The following IL15 variants were observed in gnomAD, a reference collection of about 807,000 sequenced individuals.
IL15 encodes the protein interleukin 15.
In IL15, 11 loss-of-function variants were observed where a neutral mutation model predicts 19.6. That is an observed-to-expected ratio of 0.56 (90% CI 0.35 to 0.93). IL15 has a LOEUF of 0.93. IL15 is among the 40% of genes least tolerant of loss of function. IL15 has a pLI of 0.01. For missense variants in IL15, 197 were observed against 186.5 expected (o/e 1.06, Z -0.33); for synonymous variants, 58 against 59.6 (o/e 0.97, Z 0.12).
chr4:141,732,900 C>T lies in IL15; in HGVS notation c.*52C>T, dbSNP rs1482176631. On this transcript the variant is annotated 3_prime_UTR_variant, in exon 8 of 8. Transcript: ENST00000320650. Reference sequence around the variant, plus strand: ...TCTGTTATTAACAAACATCACTCTGCTGCTTAGACATAACAAAACACTCGG... The same window carrying T: ...TCTGTTATTAACAAACATCACTCTGTTGCTTAGACATAACAAAACACTCGG... 1 of 1,577,874 alleles carries T rather than the reference C, an allele frequency of 6.3e-7. No homozygotes were observed. The highest frequency in any genetic ancestry group is 1.4e-5 in the African/African-American group (1 of 73,022).
intron 2 of IL15, chr4:141,718,029 T>G (rs1560935543): frequency 6.6e-6 from 1 of 152,218 alleles, no homozygotes; most frequent in Non-Finnish European, 1.5e-5. Context: ...GGACATTTTC[T>G]ATTGCATTCC....
chr4:141,657,452 TAAG>T (rs1295286287), intron 2 of IL15, among the ~76,000 whole-genome samples: 1 of 152,000 alleles, frequency 6.6e-6, no homozygotes, highest in African/African-American at 2.4e-5. Flanking sequence ...TTTTTAAAGT[TAAG>T]AAACAAACAT....
chr4:141,701,365 G>A (rs1729302444), intron 2 of IL15, among the ~76,000 whole-genome samples: 2 of 151,418 alleles, frequency 1.3e-5, no homozygotes. Flanking sequence ...AATTCTTGGT[G>A]CTTTTAGGGT....
chr4:141,659,137 C>G (rs1247035243), intron 2 of IL15, among the ~76,000 whole-genome samples: 1 of 151,936 alleles, frequency 6.6e-6, no homozygotes, highest in Non-Finnish European at 1.5e-5. Context: ...GCGTGAGCCA[C>G]TGTCCCCGGC....
Position 141,732,878 on chromosome 4 carries a change from G to C in IL15, c.*30G>C. 1 of 1,595,230 alleles carries C rather than the reference G, an allele frequency of 6.3e-7. No homozygotes were observed. The highest frequency in any genetic ancestry group is 8.5e-7 in the Non-Finnish European group (1 of 1,173,598). ...AATTGATTCTTTTTAAAGTGTTTCT[G>C]TTATTAACAAACATCACTCTGCTGC... On this transcript the variant is annotated 3_prime_UTR_variant, in exon 8 of 8. Transcript: ENST00000320650.
intron 1 of IL15, among the ~76,000 whole-genome samples, chr4:141,652,590 C>G (rs920786293): frequency 6.6e-6 from 1 of 152,084 alleles, no homozygotes; most frequent in African/African-American, 2.4e-5. Context: ...ATCCAATGCT[C>G]AGGCTAAATC....
At chr4:141,694,066 C>T (rs1181015956) in intron 2 of IL15, among the ~76,000 whole-genome samples, 1 of 152,180 alleles carries the variant, frequency 6.6e-6, no homozygotes, top group African/African-American at 2.4e-5. Flanking sequence ...CAAGTATTTA[C>T]TGCACCAATG....
In IL15 at chr4:141,733,730, G is replaced by T. The variant is rs1201579525; in HGVS notation, c.*882G>T. On this transcript the variant is annotated 3_prime_UTR_variant, in exon 8 of 8. Coordinates refer to ENST00000320650, the MANE Select transcript of IL15 (RefSeq NM_000585.5). ...GGAAATCAAAAGATTGGATGCCCCT[G>T]GTATAGAAAACTAATAGTGACAGTG... 6.6e-6 allele frequency: 1 copy of T among 152,004 alleles called. No homozygotes were observed. Among genetic ancestry groups the T allele is most frequent in the Non-Finnish European group, 1.5e-5 (1 of 68,026 alleles). 9.4% of individuals were successfully genotyped at this position (152,004 alleles called of 1,614,324 possible). A position where few individuals can be genotyped will look rare whatever the true frequency, so the allele number is the denominator to read the frequency against.
In IL15 at chr4:141,720,445, T is replaced by G. The variant is rs755510683; in HGVS notation, c.13-24T>G. 4 of 1,215,866 alleles carry G rather than the reference T, an allele frequency of 3.3e-6. No homozygotes were observed. In the African/African-American group the frequency reaches 6.0e-5, roughly 18 times the overall value. The allele number at this position is 1,215,866 out of a possible 1,614,324, so 75.3% of individuals were successfully genotyped here. On this transcript the variant is annotated intron_variant, in intron 3 of 7. Coordinates refer to ENST00000320650, the MANE Select transcript of IL15 (RefSeq NM_000585.5). ...ACTTTTTAACTAAAAAATTTAACCA[T>G]TTGTCTATGATTATATTTTTCAGAA...
intron 5 of IL15, among the ~76,000 whole-genome samples, chr4:141,724,012 TACACCCA>T (rs1252419501): frequency 1.3e-5 from 2 of 152,144 alleles, no homozygotes; most frequent in Non-Finnish European, 2.9e-5. Flanking sequence ...CATAGAGCAC[TACACCCA>T]ACAACAGCAG....
chr4:141,684,802 T>C (rs1482472060), intron 2 of IL15, among the ~76,000 whole-genome samples: 1 of 152,214 alleles, frequency 6.6e-6, no homozygotes, highest in Non-Finnish European at 1.5e-5. Context: ...ACTCAACAAA[T>C]ATTGAGTGTC....
chr4:141,732,476 G>A (rs550305689), intron 7 of IL15, among the ~76,000 whole-genome samples: 2 of 152,250 alleles, frequency 1.3e-5, no homozygotes, highest in East Asian at 3.9e-4. Flanking sequence ...ACCATTGAAG[G>A]GCTCAAAGCA....
intron 7 of IL15, among the ~76,000 whole-genome samples, chr4:141,732,072 A>G (rs1296628766): frequency 1.3e-5 from 2 of 152,190 alleles, no homozygotes; most frequent in Non-Finnish European, 2.9e-5. Flanking sequence ...TACAGTATAA[A>G]AAGAGTAAAA....
chr4:141,676,204 CA>C (rs1218270855), intron 2 of IL15, among the ~76,000 whole-genome samples: 1 of 152,104 alleles, frequency 6.6e-6, no homozygotes, highest in African/African-American at 2.4e-5. Context: ...TGTACAAATG[CA>C]GTCAGGTTTA....
intron 2 of IL15, among the ~76,000 whole-genome samples, chr4:141,658,860 AATT>A (rs1313780377): frequency 1.0e-5 from 1 of 95,462 alleles, no homozygotes; most frequent in African/African-American, 4.0e-5. Context: ...TGTTTCTTGG[AATT>A]TTTTTTTTTT....
At chr4:141,679,442 TAATC>T (rs1467464438) in intron 2 of IL15, among the ~76,000 whole-genome samples, 1 of 152,112 alleles carries the variant, frequency 6.6e-6, no homozygotes, top group Non-Finnish European at 1.5e-5. Flanking sequence ...TTGTCATACT[TAATC>T]AAGTTATAAG....
intron 2 of IL15, chr4:141,718,341 C>T (rs1729961041): frequency 6.6e-6 from 1 of 151,662 alleles, no homozygotes; most frequent in Non-Finnish European, 1.5e-5. Flanking sequence ...ATTTAAGAGG[C>T]TTTGGATGAA....
rs558893700 is a variant in IL15, at chr4:141,651,155, T to C, written c.-221-5031T>C. Among the ~76,000 whole-genome samples, 10 of 151,934 alleles carry C rather than the reference T, an allele frequency of 6.6e-5. No homozygotes were observed. In the South Asian group the frequency reaches 2.1e-3, roughly 32 times the overall value. On this transcript the variant is annotated intron_variant, in intron 1 of 7. Coordinates refer to ENST00000320650, the MANE Select transcript of IL15 (RefSeq NM_000585.5). ...TCCACAGTGTGCGTGTGTGTATATATACACACCATATATATATATACACAC... is the reference window on the plus strand; with the variant it reads ...TCCACAGTGTGCGTGTGTGTATATACACACACCATATATATATATACACAC...
At chr4:141,721,251 T>G (rs1422948760) in intron 4 of IL15, 5 of 723,978 alleles carry the variant, frequency 6.9e-6, no homozygotes, top group Non-Finnish European at 1.3e-5. Flanking sequence ...AAGTGAGTGA[T>G]TATTTTTCCT....
Sources: allele counts gnomAD v4.1 joint callset (sites outside exome capture counted in the v4.1 genomes callset), GRCh38; gene constraint gnomAD v4.1.1; transcripts MANE v1.5; gene names NCBI Gene and HGNC (gene_info 2026-07-23, HGNC 2026-07-21).